Variants in RBFOX1 observed in about 807,000 individuals in gnomAD.
The protein encoded by RBFOX1 is RNA binding fox-1 homolog 1.
In RBFOX1, 8 loss-of-function variants were observed where a neutral mutation model predicts 57.7. The observed-to-expected ratio is 0.14, with a 90% CI of 0.08 to 0.25. The LOEUF is 0.25. Among genes scored for constraint, RBFOX1 ranks in the 10% least tolerant of loss-of-function variants. The pLI is 1.00. For missense variants in RBFOX1, 611 were observed against 548.5 expected, an observed-to-expected ratio of 1.11 and a Z score of -1.14; for synonymous variants, 326 against 222.4, an observed-to-expected ratio of 1.47 and a Z score of -4.15.
intron 3 of RBFOX1, among the ~76,000 whole-genome samples, chr16:6,725,882 G>A (rs890597051): frequency 1.3e-5 from 2 of 152,164 alleles, no homozygotes; most frequent in East Asian, 3.9e-4. Context: ...ATTTATCAGA[G>A]ATGATACTTG....
At chr16:7,248,920 C>G (rs182709607) in intron 4 of RBFOX1, among the ~76,000 whole-genome samples, 1 of 152,234 alleles carries the variant, frequency 6.6e-6, no homozygotes, top group African/African-American at 2.4e-5. Flanking sequence ...CAGCCATCGC[C>G]CAAGAAAGGC....
intron 3 of RBFOX1, among the ~76,000 whole-genome samples, chr16:6,924,950 C>T (rs1212645017): frequency 6.7e-6 from 1 of 149,260 alleles, no homozygotes; most frequent in Non-Finnish European, 1.5e-5. Context: ...TGGTTTTTTG[C>T]CCTTGCGATA....
At chr16:7,083,882 T>C (rs2059579267) in intron 4 of RBFOX1, among the ~76,000 whole-genome samples, 1 of 152,122 alleles carries the variant, frequency 6.6e-6, no homozygotes, top group Non-Finnish European at 1.5e-5. Flanking sequence ...GAATGGTGAC[T>C]CTGTGGTGAA....
At chr16:6,340,192 G>A (rs2084348759) in intron 2 of RBFOX1, among the ~76,000 whole-genome samples, 1 of 152,142 alleles carries the variant, frequency 6.6e-6, no homozygotes, top group Admixed American at 6.5e-5. Context: ...CAAGAGTGAT[G>A]AATAGTATGG....
At chr16:5,380,284 G>A (rs1411152095) in intron 1 of RBFOX1, among the ~76,000 whole-genome samples, 8 of 152,238 alleles carry the variant, frequency 5.3e-5, no homozygotes, top group African/African-American at 2.4e-5. Context: ...AAACTTAAAT[G>A]TCCACAATAG....
At chr16:6,687,391 A>G (rs2059594895) in intron 3 of RBFOX1, among the ~76,000 whole-genome samples, 1 of 152,178 alleles carries the variant, frequency 6.6e-6, no homozygotes, top group Admixed American at 6.5e-5. Context: ...ACCACTATAT[A>G]ATTCACCCAT....
chr16:5,247,294 G>T (rs2062326266), intron 1 of RBFOX1, among the ~76,000 whole-genome samples: 2 of 152,310 alleles, frequency 1.3e-5, no homozygotes, highest in South Asian at 4.1e-4. Flanking sequence ...GGACTCCAAA[G>T]CCCCTATCCT....
chr16:6,303,729 A>G (rs954549208), intron 1 of RBFOX1, among the ~76,000 whole-genome samples: 2 of 151,198 alleles, frequency 1.3e-5, no homozygotes, highest in Admixed American at 1.3e-4. Flanking sequence ...TAATCCCAGC[A>G]CTTTGGGAGG....
At chr16:7,318,962 G>C (rs1431126930) in intron 4 of RBFOX1, among the ~76,000 whole-genome samples, 1 of 152,260 alleles carries the variant, frequency 6.6e-6, no homozygotes, top group East Asian at 1.9e-4. Flanking sequence ...GCAAATGTTA[G>C]GTCCCAGTGG....
At chr16:6,613,559 C>T (rs974985982) in intron 2 of RBFOX1, among the ~76,000 whole-genome samples, 5 of 152,032 alleles carry the variant, frequency 3.3e-5, no homozygotes, top group Admixed American at 6.6e-5. Flanking sequence ...TGCTATGGAA[C>T]GCTAGATGAT....
intron 4 of RBFOX1, among the ~76,000 whole-genome samples, chr16:7,158,845 G>A (rs1403613604): frequency 6.6e-6 from 1 of 151,936 alleles, no homozygotes; most frequent in Non-Finnish European, 1.5e-5. Context: ...TGTATGGTAT[G>A]TGTGTGTGCA....
chr16:7,509,843 C>A (rs755365651), intron 4 of RBFOX1, among the ~76,000 whole-genome samples: 10 of 152,152 alleles, frequency 6.6e-5, no homozygotes, highest in African/African-American at 9.7e-5. Flanking sequence ...AAGCTCCCTG[C>A]TGGATTTTAT....
intron 1 of RBFOX1, among the ~76,000 whole-genome samples, chr16:6,248,554 G>A (rs2097582986): frequency 6.6e-6 from 1 of 152,124 alleles, no homozygotes; most frequent in Non-Finnish European, 1.5e-5. Context: ...AGAGAGAAGG[G>A]GGAAGATCCC....
At chr16:5,697,934 G>A (rs955841010) in intron 3 of RBFOX1, among the ~76,000 whole-genome samples, 4 of 152,140 alleles carry the variant, frequency 2.6e-5, no homozygotes, top group Non-Finnish European at 5.9e-5. Context: ...GTTTGCTAAA[G>A]GCTTTTATAA....
chr16:7,323,811 A>C (rs1301471037), intron 4 of RBFOX1, among the ~76,000 whole-genome samples: 1 of 152,230 alleles, frequency 6.6e-6, no homozygotes, highest in Non-Finnish European at 1.5e-5. Flanking sequence ...AGGAGGAAGG[A>C]ATGAAGAAGA....
intron 2 of RBFOX1, among the ~76,000 whole-genome samples, chr16:6,588,633 C>G (rs2097665401): frequency 6.6e-6 from 1 of 152,180 alleles, no homozygotes; most frequent in South Asian, 2.1e-4. Context: ...GTCTGGGCAA[C>G]AGAGTGAGAC....
intron 3 of RBFOX1, among the ~76,000 whole-genome samples, chr16:7,034,040 G>C (rs960961582): frequency 2.0e-5 from 3 of 152,146 alleles, no homozygotes; most frequent in African/African-American, 7.2e-5. Flanking sequence ...TCTCCATTGC[G>C]GAGATGAGGT....
chr16:6,915,297 C>G (rs12933266), intron 3 of RBFOX1, among the ~76,000 whole-genome samples: 27,300 of 152,108 alleles, frequency 0.18, 2,848 homozygotes, highest in East Asian at 0.27. Flanking sequence ...TTTCCATTCT[C>G]TGTGTTGCGG....
chr16:6,946,706 G>T (rs774655440), intron 3 of RBFOX1, among the ~76,000 whole-genome samples: 1 of 152,064 alleles, frequency 6.6e-6, no homozygotes, highest in Non-Finnish European at 1.5e-5. Context: ...GGGCTCAAGT[G>T]ATCCTCTTGC....
Sources: gnomAD v4.1 joint callset for allele counts (sites outside exome capture counted in the v4.1 genomes callset) on GRCh38, gnomAD v4.1.1 for gene constraint, MANE v1.5 for transcripts, NCBI Gene and HGNC (gene_info 2026-07-23, HGNC 2026-07-21) for gene names.